The following UTRN variants were observed in gnomAD, a reference collection of about 807,000 sequenced individuals.
The protein encoded by UTRN is utrophin, also known as dystrophin-related protein 1.
In UTRN, 283 loss-of-function variants were observed where a neutral mutation model predicts 463.9. The ratio of observed to expected loss-of-function variants is 0.61; its 90% confidence interval spans 0.55 to 0.67. The LOEUF is 0.67. Ranked by LOEUF, UTRN falls within the 30% of genes least tolerant of loss-of-function variation. UTRN has a pLI of 0.00. For synonymous variants in UTRN, 1,442 were observed against 1,431.5 expected (o/e 1.01, Z -0.17); for missense variants, 3,922 against 4,084.3 (o/e 0.96, Z 1.08).
chr6:144,412,940 T>C (rs1334429578), intron 3 of UTRN, among the ~76,000 whole-genome samples: 1 of 152,190 alleles, frequency 6.6e-6, no homozygotes. Context: ...CATGTTACTT[T>C]TGAAAGCATT....
intron 18 of UTRN, among the ~76,000 whole-genome samples, chr6:144,452,798 G>T (rs931494078): frequency 6.6e-6 from 1 of 151,106 alleles, no homozygotes; most frequent in African/African-American, 2.4e-5. Flanking sequence ...AAAAAAATTT[G>T]TGGGGCGTGA....
intron 51 of UTRN, among the ~76,000 whole-genome samples, chr6:144,659,102 C>T (rs1401882862): frequency 1.3e-5 from 2 of 152,178 alleles, no homozygotes; most frequent in African/African-American, 2.4e-5. Flanking sequence ...TTAATCAACG[C>T]GTATTTCCTT....
At chr6:144,380,532 C>G (rs1452480374) in intron 2 of UTRN, among the ~76,000 whole-genome samples, 1 of 152,090 alleles carries the variant, frequency 6.6e-6, no homozygotes, top group Non-Finnish European at 1.5e-5. Flanking sequence ...ATTGAGGGGC[C>G]CGGCATATTG....
intron 51 of UTRN, among the ~76,000 whole-genome samples, chr6:144,597,574 G>T (rs2128634810): frequency 6.6e-6 from 1 of 152,292 alleles, no homozygotes; most frequent in East Asian, 1.9e-4. Flanking sequence ...AACTTTTGTT[G>T]AGACAGGCAT....
At chr6:144,564,220 A>G (rs1800191191) in intron 50 of UTRN, among the ~76,000 whole-genome samples, 1 of 152,178 alleles carries the variant, frequency 6.6e-6, no homozygotes, top group African/African-American at 2.4e-5. Context: ...TTTTGGAGGT[A>G]AGAGAAATTA....
intron 2 of UTRN, among the ~76,000 whole-genome samples, chr6:144,335,601 A>C (rs956951880): frequency 1.3e-5 from 2 of 151,962 alleles, no homozygotes; most frequent in African/African-American, 4.8e-5. Context: ...CGGCTCTTTC[A>C]CTGCTGTACT....
chr6:144,668,199 A>G (rs1423321316), intron 51 of UTRN, among the ~76,000 whole-genome samples: 1 of 152,148 alleles, frequency 6.6e-6, no homozygotes, highest in Non-Finnish European at 1.5e-5. Context: ...AATTCACCTC[A>G]TGTAACTGAC....
At chr6:144,474,797 G>C in intron 25 of UTRN, 38 bp downstream of exon 25, 1 of 1,593,824 alleles carries the variant, frequency 6.3e-7, no homozygotes, top group African/African-American at 1.4e-5. Flanking sequence ...GTTTTCAGGA[G>C]ATGTAGACTG....
chr6:144,421,765 T>C, intron 3 of UTRN, 113 bp from the exon 4 acceptor site: 1 of 575,990 alleles, frequency 1.7e-6, no homozygotes, highest in Non-Finnish European at 2.8e-6. Flanking sequence ...CTGCAGATCA[T>C]CCACAACATT....
At chr6:144,840,674 G>T in intron 72 of UTRN, 66 bp from the exon 73 acceptor site, 1 of 1,555,418 alleles carries the variant, frequency 6.4e-7, no homozygotes, top group South Asian at 1.1e-5. Context: ...TCCTGAATTT[G>T]GGTTTTAGTG....
chr6:144,516,484 A>T, intron 38 of UTRN, 97 bp downstream of exon 38: 1 of 1,303,958 alleles, frequency 7.7e-7, no homozygotes, highest in South Asian at 1.5e-5. Context: ...AATCTGTCAA[A>T]CATGATGAAA....
intron 51 of UTRN, among the ~76,000 whole-genome samples, chr6:144,621,140 T>G (rs1775325389): frequency 1.3e-5 from 2 of 152,178 alleles, no homozygotes; most frequent in Admixed American, 1.3e-4. Flanking sequence ...AGGGTTGTTG[T>G]CAAGATTAAA....
chr6:144,821,053 C>T lies in UTRN; in HGVS notation c.9494+35C>T, dbSNP rs1779556089. On this transcript the variant is annotated intron_variant, in intron 66 of 74. Transcript: ENST00000367545. ...ATTTTAATATTAAATCTAGTGTGAACATTTATATCTGATGTTGTCTTTTTT... is the reference window on the plus strand; with the variant it reads ...ATTTTAATATTAAATCTAGTGTGAATATTTATATCTGATGTTGTCTTTTTT... The T allele has an allele frequency of 2.5e-6, 4 of 1,598,120 alleles. No homozygotes were observed. The Admixed American group carries it at 5.2e-5, about 21-fold the overall frequency.
chr6:144,426,369 C>T lies in UTRN; in HGVS notation c.488C>T (p.Thr163Ile). The T allele has an allele frequency of 6.2e-7, 1 of 1,614,152 alleles. No homozygotes were observed. The highest frequency in any genetic ancestry group is 1.3e-5 in the African/African-American group (1 of 75,036). Residue 163 changes from threonine (T) to isoleucine (I), a missense_variant, in exon 7 of 75, where the codon ACC becomes ATC. Coordinates refer to ENST00000367545, the MANE Select transcript of UTRN (RefSeq NM_007124.3). ...ATCCTGCTCAGCTGGGTGCGTCAGA[C>T]CACCAGGCCCTACAGCCAAGTCAAC... ...EKILLSWVRQ[T>I]TRPYSQVNVL...
At chr6:144,627,460 A>T (rs935315274) in intron 51 of UTRN, among the ~76,000 whole-genome samples, 1 of 152,182 alleles carries the variant, frequency 6.6e-6, no homozygotes. Flanking sequence ...ACTATGGTGA[A>T]ATATACAAAA....
intron 2 of UTRN, among the ~76,000 whole-genome samples, chr6:144,295,283 A>G (rs779024642): frequency 1.3e-5 from 2 of 152,244 alleles, no homozygotes; most frequent in Non-Finnish European, 2.9e-5. Context: ...TTCATTCAAT[A>G]ATTAACATAC....
chr6:144,708,269 G>A, intron 53 of UTRN: 1 of 651,226 alleles, frequency 1.5e-6, no homozygotes. Context: ...ACTTGGAATT[G>A]CAATAGAGTT....
intron 51 of UTRN, among the ~76,000 whole-genome samples, chr6:144,618,674 T>TTG (rs1420296638): frequency 2.6e-5 from 4 of 152,164 alleles, no homozygotes; most frequent in African/African-American, 9.6e-5. Context: ...ATATTTATTT[T>TTG]TGTGCCTACT....
At chr6:144,302,880 G>A (rs1050190739) in intron 2 of UTRN, among the ~76,000 whole-genome samples, 12 of 152,172 alleles carry the variant, frequency 7.9e-5, no homozygotes, top group African/African-American at 2.7e-4. Flanking sequence ...AAAGAGCAAG[G>A]CATTTGAAGT....
Sources: gnomAD v4.1 joint callset for allele counts (sites outside exome capture counted in the v4.1 genomes callset) on GRCh38, gnomAD v4.1.1 for gene constraint, MANE v1.5 for transcripts, NCBI Gene and HGNC (gene_info 2026-07-23, HGNC 2026-07-21) for gene names.